The following ZHX3 variants were observed in gnomAD, a reference collection of about 807,000 sequenced individuals.
The protein encoded by ZHX3 is zinc fingers and homeoboxes 3.
In ZHX3, 20 loss-of-function variants were observed where a neutral mutation model predicts 64.5. The ratio of observed to expected loss-of-function variants is 0.31; its 90% CI spans 0.22 to 0.45. The LOEUF (loss-of-function observed/expected upper bound fraction) is 0.45. Among genes scored for constraint, ZHX3 ranks in the 20% least tolerant of loss-of-function variants. The probability of loss-of-function intolerance (pLI) is 1.00; values close to 1 mark genes in which losing one functional copy is unlikely to be tolerated. For missense variants in ZHX3, 1,041 were observed against 1,195.8 expected, an observed-to-expected ratio of 0.87 and a Z score of 1.91; for synonymous variants, 423 against 461.6, an observed-to-expected ratio of 0.92 and a Z score of 1.07.
chr20:41,242,522 T>C lies in ZHX3; in HGVS notation c.-151+26468A>G, dbSNP rs114617778. On this transcript the variant is annotated intron_variant, in intron 2 of 3. Transcript: ENST00000683867. ...GCAAATAGGGTGAGGAGGAGCCACA[T>C]ACACAGCTGTTAGCTTTGTGAACCC... 5.3e-3 allele frequency among the ~76,000 whole-genome samples: 808 copies of C among 152,308 alleles called. 11 individuals carry two copies. The highest frequency in any genetic ancestry group is 0.019 in the African/African-American group (778 of 41,566).
At chr20:41,227,951 G>A (rs2040373351) in intron 2 of ZHX3, among the ~76,000 whole-genome samples, 1 of 152,038 alleles carries the variant, frequency 6.6e-6, no homozygotes, top group Non-Finnish European at 1.5e-5. Context: ...GACTGCCTCT[G>A]TCCCACTTAT....
chr20:41,227,158 A>G (rs1265019173), intron 2 of ZHX3, among the ~76,000 whole-genome samples: 1 of 152,172 alleles, frequency 6.6e-6, no homozygotes, highest in Non-Finnish European at 1.5e-5. Context: ...GTATTTTCCC[A>G]GAGCTCTTCA....
chr20:41,186,201 T>C (rs972444791), intron 3 of ZHX3, among the ~76,000 whole-genome samples: 2 of 152,238 alleles, frequency 1.3e-5, no homozygotes, highest in Admixed American at 6.5e-5. Flanking sequence ...TTTTACCTTC[T>C]ATCGCTATGC....
intron 1 of ZHX3, among the ~76,000 whole-genome samples, chr20:41,274,400 CA>C (rs2043288286): frequency 1.3e-5 from 2 of 152,166 alleles, no homozygotes; most frequent in African/African-American, 4.8e-5. Flanking sequence ...GCTACTTCGC[CA>C]AAGATTTTGC....
intron 3 of ZHX3, among the ~76,000 whole-genome samples, chr20:41,196,474 T>TATTATAAATATATA (rs2037618694): frequency 1.1e-4 from 4 of 37,934 alleles, no homozygotes; most frequent in Non-Finnish European, 1.7e-4. Flanking sequence ...ATAATATATA[T>TATTATAAATATATA]TTATATATTA....
chr20:41,229,702 T>C (rs1340788149), intron 2 of ZHX3, among the ~76,000 whole-genome samples: 2 of 152,240 alleles, frequency 1.3e-5, no homozygotes, highest in Non-Finnish European at 2.9e-5. Context: ...TGTATCTTCT[T>C]TGAATAAATG....
intron 2 of ZHX3, among the ~76,000 whole-genome samples, chr20:41,241,103 A>G (rs972668959): frequency 6.6e-6 from 1 of 152,198 alleles, no homozygotes; most frequent in Non-Finnish European, 1.5e-5. Flanking sequence ...TGTTCTCCAC[A>G]GTGGGAAATT....
At position 41,234,832 on chromosome 20, in the gene ZHX3, C is replaced by A. The variant is rs8183733; in HGVS notation, c.-150-29766G>T. Reference sequence around the variant, plus strand: ...CTTCCTGCTGGCATTCTAGAAGCAGCATGCAGGGCCAGGCACCTACTGGGG... The same window carrying A: ...CTTCCTGCTGGCATTCTAGAAGCAGAATGCAGGGCCAGGCACCTACTGGGG... On this transcript the variant is annotated intron_variant, in intron 2 of 3. Coordinates refer to ENST00000683867, the MANE Select transcript of ZHX3 (RefSeq NM_001384317.1). Among the ~76,000 whole-genome samples the A allele has an allele frequency of 3.0e-4, 45 of 152,358 alleles. No homozygotes were observed. In the East Asian group the frequency reaches 6.6e-3, roughly 22 times the overall value.
At chr20:41,293,165 T>C (rs1419369957) in intron 1 of ZHX3, among the ~76,000 whole-genome samples, 1 of 152,204 alleles carries the variant, frequency 6.6e-6, no homozygotes, top group Non-Finnish European at 1.5e-5. Context: ...GCCCTGCTAC[T>C]CAAAAGATGA....
intron 2 of ZHX3, among the ~76,000 whole-genome samples, chr20:41,210,639 C>A (rs956692888): frequency 3.9e-5 from 6 of 152,114 alleles, no homozygotes; most frequent in Non-Finnish European, 7.3e-5. Flanking sequence ...TAGGTGGGAA[C>A]TGAACAATGA....
chr20:41,211,816 A>G (rs1191566612), intron 2 of ZHX3, among the ~76,000 whole-genome samples: 1 of 152,204 alleles, frequency 6.6e-6, no homozygotes, highest in Non-Finnish European at 1.5e-5. Context: ...TCCTGAGGTT[A>G]AGTGCACAGG....
At chr20:41,209,761 A>T (rs2039013155) in intron 2 of ZHX3, among the ~76,000 whole-genome samples, 1 of 152,196 alleles carries the variant, frequency 6.6e-6, no homozygotes, top group African/African-American at 2.4e-5. Context: ...AACCTAGGCA[A>T]TACCATTCAG....
At chr20:41,189,279 C>T (rs186744895) in intron 3 of ZHX3, among the ~76,000 whole-genome samples, 4 of 152,230 alleles carry the variant, frequency 2.6e-5, no homozygotes, top group Admixed American at 2.6e-4. Flanking sequence ...AATGTGATGC[C>T]TACAGCTTTG....
rs958737168 is a variant in ZHX3 at position 41,228,624 on chromosome 20, C to G, written c.-150-23558G>C. ...GTCTGGGGTCTCTTTTATAAGGCCACTAGTTCCATTCATGAGAGCTCTATC... is the reference window on the plus strand; with the variant it reads ...GTCTGGGGTCTCTTTTATAAGGCCAGTAGTTCCATTCATGAGAGCTCTATC... On this transcript the variant is annotated intron_variant, in intron 2 of 3. Coordinates refer to ENST00000683867, the MANE Select transcript of ZHX3 (RefSeq NM_001384317.1). This position sits in a 1 kb window ranked among gnomAD's most constrained non-coding sequence, Gnocchi z 4.6. 1.3e-5 allele frequency among the ~76,000 whole-genome samples: 2 copies of G among 152,134 alleles called. No homozygotes were observed. The highest frequency in any genetic ancestry group is 4.8e-5 in the African/African-American group (2 of 41,424).
At position 41,226,375 on chromosome 20, in the gene ZHX3, T is replaced by C. The variant is rs757591293; in HGVS notation, c.-150-21309A>G. On this transcript the variant is annotated intron_variant, in intron 2 of 3. Coordinates refer to ENST00000683867, the MANE Select transcript of ZHX3 (RefSeq NM_001384317.1). The surrounding 1 kb of genome is among the most constrained non-coding windows in gnomAD (Gnocchi z 4.4). ...TATTTCAAAAACAAAAGAATTTCCT[T>C]TCATTTTAAGGCTAAGTAATATTCC... Among the ~76,000 whole-genome samples the C allele has an allele frequency of 6.6e-6, 1 of 152,062 alleles. No homozygotes were observed. Among genetic ancestry groups the C allele is most frequent in the African/African-American group, 2.4e-5 (1 of 41,416 alleles).
In ZHX3 at chr20:41,184,962, T is replaced by G. The variant is rs183600182; in HGVS notation, c.*229A>C. 1 of 1,547,502 alleles carries G rather than the reference T, an allele frequency of 6.5e-7. No homozygotes were observed. The highest frequency in any genetic ancestry group is 8.7e-7 in the Non-Finnish European group (1 of 1,146,962). Reference sequence around the variant, plus strand: ...AAGGTAAAGGAAAGGTCCTACATTGTGGGAGGAAGAACTGATGAGAACCCC... The same window carrying G: ...AAGGTAAAGGAAAGGTCCTACATTGGGGGAGGAAGAACTGATGAGAACCCC... On this transcript the variant is annotated 3_prime_UTR_variant, in exon 4 of 4. Coordinates refer to ENST00000683867, the MANE Select transcript of ZHX3 (RefSeq NM_001384317.1).
chr20:41,243,667 G>A (rs2041521184), intron 2 of ZHX3, among the ~76,000 whole-genome samples: 1 of 152,080 alleles, frequency 6.6e-6, no homozygotes, highest in South Asian at 2.1e-4. Flanking sequence ...GAGGTTTGGG[G>A]CCTTATAATA....
At chr20:41,248,452 G>A (rs1231707098) in intron 2 of ZHX3, among the ~76,000 whole-genome samples, 1 of 152,140 alleles carries the variant, frequency 6.6e-6, no homozygotes, top group Non-Finnish European at 1.5e-5. Context: ...CCAATCTCAT[G>A]GGAACATCAA....
chr20:41,248,428 A>T (rs578209207), intron 2 of ZHX3, among the ~76,000 whole-genome samples: 41 of 152,316 alleles, frequency 2.7e-4, no homozygotes, highest in Non-Finnish European at 4.7e-4. Flanking sequence ...TGCATTGCTG[A>T]ACACAGGCAG....
Sources: gnomAD v4.1 joint callset for allele counts (sites outside exome capture counted in the v4.1 genomes callset) on GRCh38, gnomAD v4.1.1 for gene constraint, Gnocchi (gnomAD v3.1) non-coding constraint, MANE v1.5 for transcripts, NCBI Gene and HGNC (gene_info 2026-07-23, HGNC 2026-07-21) for gene names.